The following HDAC5 variants were observed in gnomAD, a reference collection of about 807,000 sequenced individuals.
The protein encoded by HDAC5 is histone deacetylase 5.
In HDAC5, 25 loss-of-function variants were observed where a neutral mutation model predicts 133.3. That is an observed-to-expected ratio of 0.19 (90% confidence interval 0.14 to 0.26). HDAC5 has a LOEUF of 0.26. Ranked by LOEUF, HDAC5 falls within the 10% of genes least tolerant of loss-of-function variation. The pLI, the probability that HDAC5 is intolerant of heterozygous loss-of-function variation, is 1.00. For missense variants in HDAC5, 1,041 were observed against 1,460.5 expected (o/e 0.71, Z 4.68); for synonymous variants, 589 against 610.8 (o/e 0.96, Z 0.53).
chr17:44,114,438 G>A lies in HDAC5; in HGVS notation c.22+3056C>T, dbSNP rs939475285. 8.6e-5 allele frequency among the ~76,000 whole-genome samples: 9 copies of A among 105,046 alleles called. No homozygotes were observed. The East Asian group carries it at 9.7e-4, about 11-fold the overall frequency. The allele number at this position is 105,046 out of a possible 152,430, so 68.9% of individuals were successfully genotyped here. A position where few individuals can be genotyped will look rare whatever the true frequency, so the allele number is the denominator to read the frequency against. ...CTCTGGTCACCCAGAGAGCAGGCGT[G>A]GGGGGGGGGGGCTGCTGCCCTCCAT... On this transcript the variant is annotated intron_variant, in intron 2 of 26. Transcript: ENST00000682912.
At position 44,077,515 on chromosome 17, in the gene HDAC5, G is replaced by T. The variant is rs1024593045; in HGVS notation, c.*861C>A. Reference sequence around the variant, plus strand: ...GGAAAATCTGGTCCTGACAGCAGGGGGGCTCTCACCAGCCTGGAGCCCCTC... The same window carrying T: ...GGAAAATCTGGTCCTGACAGCAGGGTGGCTCTCACCAGCCTGGAGCCCCTC... On this transcript the variant is annotated 3_prime_UTR_variant, in exon 27 of 27. Transcript: ENST00000682912. 21 of 152,266 alleles carry T rather than the reference G, an allele frequency of 1.4e-4. No individual in the cohort carries two copies. The highest frequency in any genetic ancestry group is 4.8e-4 in the African/African-American group (20 of 41,442). The allele number at this position is 152,266 out of a possible 1,614,324, so 9.4% of individuals were successfully genotyped here. A position where few individuals can be genotyped will look rare whatever the true frequency, so the allele number is the denominator to read the frequency against.
intron 3 of HDAC5, among the ~76,000 whole-genome samples, chr17:44,105,320 C>T (rs1056533451): frequency 6.6e-6 from 1 of 152,190 alleles, no homozygotes; most frequent in East Asian, 1.9e-4. Flanking sequence ...GCTCGGGATG[C>T]AGAGCCCTGA....
Position 44,088,572 on chromosome 17 carries a change from C to T in HDAC5, c.1414G>A (p.Val472Met). ...AVPLHGQSPL[V>M]TGERVATSMR... Reference sequence around the variant, plus strand: ...CTGGTGGCCACACGTTCACCCGTCACTAGTGGGGACTGCCCGTGGAGTGGC... The same window carrying T: ...CTGGTGGCCACACGTTCACCCGTCATTAGTGGGGACTGCCCGTGGAGTGGC... The change falls in exon 12 of 27, where the codon GTG becomes ATG. Residue 472 changes from valine to methionine, a missense_variant. This residue lies in a region of HDAC5 where 433 missense variants were observed against 531.6 expected (regional missense o/e 0.81). Transcript: ENST00000682912. The T allele has an allele frequency of 6.2e-7, 1 of 1,613,442 alleles. No individual in the cohort carries two copies. The highest frequency in any genetic ancestry group is 1.7e-4 in the Middle Eastern group (1 of 6,060).
At chr17:44,089,230 T>C (rs2050812237) in intron 11 of HDAC5, among the ~76,000 whole-genome samples, 1 of 152,246 alleles carries the variant, frequency 6.6e-6, no homozygotes, top group Non-Finnish European at 1.5e-5. Flanking sequence ...TAACTGCATA[T>C]TGGCCAGGCA....
intron 11 of HDAC5, 145 bp downstream of exon 11, chr17:44,091,125 G>C: frequency 1.4e-6 from 1 of 714,612 alleles, no homozygotes; most frequent in South Asian, 1.6e-5. Flanking sequence ...CTGGCATCCT[G>C]TAGGTATCCC....
intron 13 of HDAC5, among the ~76,000 whole-genome samples, chr17:44,087,038 C>T (rs897261073): frequency 1.3e-5 from 2 of 151,662 alleles, no homozygotes; most frequent in African/African-American, 2.4e-5. Flanking sequence ...CGGCTGTGTC[C>T]GCAATGAATG....
At chr17:44,085,391 T>C in intron 14 of HDAC5, 1 of 369,386 alleles carries the variant, frequency 2.7e-6, no homozygotes, top group Non-Finnish European at 4.9e-6. Flanking sequence ...GAGTGTGTAG[T>C]GGTGCTATCA....
chr17:44,122,339 C>A (rs1469978608), intron 1 of HDAC5, among the ~76,000 whole-genome samples: 2 of 152,044 alleles, frequency 1.3e-5, no homozygotes, highest in Non-Finnish European at 2.9e-5. Context: ...TCCCTCTGAC[C>A]AAGACTCCTG....
rs751013212 is a variant in HDAC5 at position 44,078,508 on chromosome 17, G to A, written c.3321C>T (p.His1107=). The change falls in exon 26 of 27, where the codon CAC becomes CAT. Residue 1107 remains histidine, a synonymous_variant. Coordinates refer to ENST00000682912, the MANE Select transcript of HDAC5 (RefSeq NM_005474.5). ...EQAQAAAARE[H]SPRPAEEPME... ...TGCGGGTTGCTGCTTACCTGGGGCT[G>A]TGTTCCCGGGCTGCCGCAGCCTGGG... 6 of 1,608,198 alleles carry A rather than the reference G, an allele frequency of 3.7e-6. 1 individual carries two copies. Among genetic ancestry groups the A allele is most frequent in the Admixed American group, 3.4e-5 (2 of 59,300 alleles).
intron 9 of HDAC5, 44 bp downstream of exon 9, chr17:44,092,128 A>G (rs1314889227): frequency 2.0e-6 from 3 of 1,536,196 alleles, no homozygotes; most frequent in Non-Finnish European, 2.7e-6. Flanking sequence ...CATGGGAAGG[A>G]GCAACTCTGT....
rs779350946 is a variant in HDAC5 at position 44,087,575 on chromosome 17, T to G, written c.1721A>C (p.Glu574Ala). ...TGTGCTCTCACTCTCTGTGGAGCCC[T>G]CCCGGGGCATGGTCAGGGCTCCCTC... is the stretch of plus-strand genomic sequence containing the variant. ...LGEGALTMPR[E>A]GSTESESTQE... The change falls in exon 13 of 27, where the codon GAG becomes GCG. Residue 574 changes from glutamate to alanine, a missense_variant. Glu to Ala is a moderately radical substitution (Grantham distance 107). This residue lies in a region of HDAC5 where 433 missense variants were observed against 531.6 expected (regional missense o/e 0.81). Transcript: ENST00000682912. 1.2e-6 allele frequency: 2 copies of G among 1,614,072 alleles called. No individual in the cohort carries two copies. Among genetic ancestry groups the G allele is most frequent in the Non-Finnish European group, 1.7e-6 (2 of 1,179,994 alleles).
At chr17:44,122,865 T>A (rs2053096511) in intron 1 of HDAC5, among the ~76,000 whole-genome samples, 1 of 152,086 alleles carries the variant, frequency 6.6e-6, no homozygotes, top group African/African-American at 2.4e-5. Flanking sequence ...ATCTCCTAGC[T>A]CTCGCATCCT....
chr17:44,085,808 TTTA>T (rs1266972615), intron 14 of HDAC5, among the ~76,000 whole-genome samples: 3 of 151,766 alleles, frequency 2.0e-5, no homozygotes, highest in Admixed American at 6.6e-5. Flanking sequence ...AACCTATTTT[TTTA>T]TTTTTTATTT....
rs2050159944 is a variant in HDAC5, at chr17:44,077,153, A to T, written c.*1223T>A. 1 of 152,692 alleles carries T rather than the reference A, an allele frequency of 6.5e-6. No individual in the cohort carries two copies. Among genetic ancestry groups the T allele is most frequent in the Non-Finnish European group, 1.5e-5 (1 of 68,098 alleles). 9.5% of individuals were successfully genotyped at this position (152,692 alleles called of 1,614,324 possible). On this transcript the variant is annotated 3_prime_UTR_variant, in exon 27 of 27. Transcript: ENST00000682912. ...GTACTGGGGAGGAGGAGGAAGGAAG[A>T]GTCAGCCCCCTAGGAGCCACTTCCC...
intron 13 of HDAC5, 45 bp from the exon 14 acceptor site, chr17:44,086,782 A>G: frequency 7.9e-7 from 1 of 1,265,422 alleles, no homozygotes; most frequent in Non-Finnish European, 1.0e-6. Context: ...CTCAGCCAGG[A>G]CAGGGGTGAG....
intron 11 of HDAC5, among the ~76,000 whole-genome samples, chr17:44,090,528 C>T (rs1055771981): frequency 2.6e-5 from 4 of 151,372 alleles, no homozygotes; most frequent in Middle Eastern, 3.2e-3. Context: ...GTGCCCGCCA[C>T]CACGCCCAGC....
intron 19 of HDAC5, 42 bp downstream of exon 19, chr17:44,082,723 A>C: frequency 1.2e-6 from 2 of 1,609,626 alleles, no homozygotes; most frequent in Non-Finnish European, 1.7e-6. Context: ...GACGTTTGCA[A>C]GAGACAGGAA....
chr17:44,120,821 AC>A (rs1171238922), intron 1 of HDAC5, among the ~76,000 whole-genome samples: 8 of 151,572 alleles, frequency 5.3e-5, no homozygotes, highest in Non-Finnish European at 1.2e-4. Context: ...ACCCCTCCTG[AC>A]CATGGCCACA....
Position 44,094,360 on chromosome 17 carries a change from G to A in HDAC5, c.95-526C>T, listed in dbSNP as rs150743309. Among the ~76,000 whole-genome samples, 541 of 151,500 alleles carry A rather than the reference G, an allele frequency of 3.6e-3. 5 individuals carry two copies. Among genetic ancestry groups the A allele is most frequent in the African/African-American group, 0.012 (498 of 41,280 alleles). On this transcript the variant is annotated intron_variant, in intron 3 of 26. Transcript: ENST00000682912. ...AACAAAAAACAAAAAGGGGGAGGCCGGGCGCGGTGGCTCTTGCCTGTAATC... is the reference window on the plus strand; with the variant it reads ...AACAAAAAACAAAAAGGGGGAGGCCAGGCGCGGTGGCTCTTGCCTGTAATC...
Sources: gnomAD v4.1 joint callset for allele counts (sites outside exome capture counted in the v4.1 genomes callset) on GRCh38, gnomAD v4.1.1 for gene constraint, gnomAD v4.1.1 regional missense constraint, MANE v1.5 for transcripts, NCBI Gene and HGNC (gene_info 2026-07-23, HGNC 2026-07-21) for gene names.